OR2L13: variants seen among roughly 807,000 people sequenced by gnomAD.
OR2L13 encodes olfactory receptor 2L13.
Under a neutral mutation model 15.3 loss-of-function variants are expected in OR2L13, and 14 were observed. The observed-to-expected ratio is 0.91, with a 90% CI of 0.60 to 1.43. The LOEUF (loss-of-function observed/expected upper bound fraction) is 1.43. OR2L13 is among the 40% of genes most tolerant of loss of function. OR2L13 has a pLI of 0.00. For synonymous variants in OR2L13, 152 were observed against 142.9 expected, an observed-to-expected ratio of 1.06 and a Z score of -0.45; for missense variants, 367 against 387.9, an observed-to-expected ratio of 0.95 and a Z score of 0.45.
the OR2L13 span, among the ~76,000 whole-genome samples, chr1:247,960,061 C>A: frequency 1.3e-5 from 2 of 152,260 alleles, no homozygotes; most frequent in South Asian, 4.1e-4. Flanking sequence ...TTTTCCCCAT[C>A]TTTGTGGTTT....
chr1:248,090,463 C>T (rs193224722), upstream of OR2L13, among the ~76,000 whole-genome samples: 53 of 152,138 alleles, frequency 3.5e-4, no homozygotes, highest in East Asian at 8.7e-3. Context: ...AAGTAGGCCC[C>T]GGTGTCTGTT....
chr1:248,039,673 T>C, the OR2L13 span: 2 of 153,284 alleles, frequency 1.3e-5, no homozygotes, highest in Non-Finnish European at 1.5e-5. Flanking sequence ...ATCAAAACAA[T>C]AAAGGTCCAA....
At chr1:248,076,956 C>T in the OR2L13 span, among the ~76,000 whole-genome samples, 1 of 152,094 alleles carries the variant, frequency 6.6e-6, no homozygotes, top group Admixed American at 6.6e-5. Context: ...TTTGCCCATT[C>T]AATATGATAT....
At chr1:248,063,422 T>C in the OR2L13 span, 1 of 152,260 alleles carries the variant, frequency 6.6e-6, no homozygotes, top group Non-Finnish European at 1.5e-5. Context: ...ATTTTGAACT[T>C]GTTTTATAAA....
At chr1:247,968,263 T>G in the OR2L13 span, among the ~76,000 whole-genome samples, 1 of 152,112 alleles carries the variant, frequency 6.6e-6, no homozygotes, top group East Asian at 1.9e-4. Flanking sequence ...ATCATAAAAC[T>G]AAGAAGTTTT....
the OR2L13 span, among the ~76,000 whole-genome samples, chr1:247,985,742 T>C: frequency 1 from 150,974 of 151,032 alleles, 75,458 homozygotes; most frequent in Middle Eastern, 1. Flanking sequence ...TAAAAATGTT[T>C]CTATTTCTCC....
chr1:248,053,242 A>G, the OR2L13 span, among the ~76,000 whole-genome samples: 6 of 152,308 alleles, frequency 3.9e-5, no homozygotes, highest in Admixed American at 1.3e-4. Flanking sequence ...GCTGAGGATA[A>G]TGGCTTCCAG....
At chr1:248,100,212 C>T (rs1425554652) in exon 3 of OR2L13, 2 of 1,613,508 alleles carry the variant, frequency 1.2e-6, no homozygotes, top group Non-Finnish European at 1.7e-6. Flanking sequence ...TCTACACCAT[C>T]CTTACCCCCA....
At chr1:248,070,960 G>A in the OR2L13 span, among the ~76,000 whole-genome samples, 1 of 152,154 alleles carries the variant, frequency 6.6e-6, no homozygotes, top group East Asian at 1.9e-4. Flanking sequence ...CTGATAACAG[G>A]CTCTGAAATT....
the OR2L13 span, among the ~76,000 whole-genome samples, chr1:247,948,444 T>A: frequency 6.6e-6 from 1 of 151,906 alleles, no homozygotes; most frequent in East Asian, 1.9e-4. Flanking sequence ...TTTACATATT[T>A]CTCAGAAAAA....
the OR2L13 span, among the ~76,000 whole-genome samples, chr1:248,068,809 G>A: frequency 6.6e-6 from 1 of 152,116 alleles, no homozygotes; most frequent in South Asian, 2.1e-4. Context: ...GCCAAGGCTC[G>A]AGAACTACAT....
At chr1:248,052,558 C>T in the OR2L13 span, among the ~76,000 whole-genome samples, 2 of 152,164 alleles carry the variant, frequency 1.3e-5, no homozygotes, top group East Asian at 3.9e-4. Flanking sequence ...GAAACCCCAT[C>T]TCTACTAAAA....
At chr1:248,072,279 A>G in the OR2L13 span, among the ~76,000 whole-genome samples, 31 of 152,238 alleles carry the variant, frequency 2.0e-4, no homozygotes, top group Non-Finnish European at 3.7e-4. Flanking sequence ...CCAAAACAGA[A>G]ATATAGATCA....
chr1:248,000,836 A>G, the OR2L13 span, among the ~76,000 whole-genome samples: 1 of 152,154 alleles, frequency 6.6e-6, no homozygotes, highest in African/African-American at 2.4e-5. Context: ...TGTAATGAGT[A>G]AAGTTTAATT....
upstream of OR2L13, among the ~76,000 whole-genome samples, chr1:248,090,636 A>G (rs1257424025): frequency 6.6e-6 from 1 of 152,220 alleles, no homozygotes; most frequent in African/African-American, 2.4e-5. Flanking sequence ...TTGTGGCTGC[A>G]TAGTATTTCG....
chr1:248,067,312 T>G, the OR2L13 span, among the ~76,000 whole-genome samples: 1 of 152,204 alleles, frequency 6.6e-6, no homozygotes, highest in African/African-American at 2.4e-5. Flanking sequence ...GTTAGAAACA[T>G]AGTTATACTG....
At chr1:248,069,268 T>G in the OR2L13 span, among the ~76,000 whole-genome samples, 1 of 152,264 alleles carries the variant, frequency 6.6e-6, no homozygotes, top group South Asian at 2.1e-4. Context: ...AGCCTAACAG[T>G]GGATCTCTCA....
upstream of OR2L13, among the ~76,000 whole-genome samples, chr1:248,096,245 T>G (rs530718356): frequency 3.5e-3 from 529 of 151,566 alleles, 5 homozygotes; most frequent in Non-Finnish European, 5.0e-3. Context: ...TAGCCGGGCG[T>G]GGTGGTGGGC....
At chr1:248,022,674 C>T in the OR2L13 span, 7 of 1,614,004 alleles carry the variant, frequency 4.3e-6, no homozygotes, top group Middle Eastern at 1.6e-4. Flanking sequence ...CTGCAGCACC[C>T]ACCTCACTGT....
Sources: allele counts gnomAD v4.1 joint callset (sites outside exome capture counted in the v4.1 genomes callset), GRCh38; gene constraint gnomAD v4.1.1; transcripts MANE v1.5; gene names NCBI Gene and HGNC (gene_info 2026-07-23, HGNC 2026-07-21).